The following R3HDM2 variants were observed in gnomAD, a reference collection of about 807,000 sequenced individuals.
The protein encoded by R3HDM2 is R3H domain containing 2.
In R3HDM2, 38 loss-of-function variants were observed where a neutral mutation model predicts 124.5. The observed-to-expected ratio is 0.31, with a 90% CI of 0.24 to 0.40. The LOEUF (loss-of-function observed/expected upper bound fraction) is 0.40, where lower values mean the gene tolerates loss of function less well. Ranked by LOEUF, R3HDM2 falls within the 10% of genes least tolerant of loss-of-function variation. R3HDM2 has a pLI of 1.00. For missense variants in R3HDM2, 869 were observed against 1,236.9 expected (o/e 0.70, Z 4.46); for synonymous variants, 391 against 448.0 (o/e 0.87, Z 1.61).
intron 11 of R3HDM2, 71 bp from the exon 12 acceptor site, chr12:57,289,111 T>C: frequency 7.0e-7 from 1 of 1,419,766 alleles, no homozygotes; most frequent in Non-Finnish European, 9.7e-7. Context: ...AGGATGTCCA[T>C]GATGCTATGA....
At position 57,408,155 on chromosome 12, in the gene R3HDM2, T is replaced by C. The variant is rs57685869; in HGVS notation, c.-105-12337A>G. 9.9e-5 allele frequency among the ~76,000 whole-genome samples: 15 copies of C among 152,218 alleles called. No homozygotes were observed. The East Asian group carries it at 2.9e-3, about 30-fold the overall frequency. On this transcript the variant is annotated intron_variant, in intron 1 of 23. Coordinates refer to ENST00000402412, the MANE Select transcript of R3HDM2 (RefSeq NM_001394031.1). Reference sequence around the variant, plus strand: ...CATGTTGGTCAGGCTGATCTCGAACTCCTAACCTCAAATGATCCTCCCACC... The same window carrying C: ...CATGTTGGTCAGGCTGATCTCGAACCCCTAACCTCAAATGATCCTCCCACC...
chr12:57,260,839 C>CGTG (rs2040617510), intron 19 of R3HDM2, among the ~76,000 whole-genome samples: 2 of 151,986 alleles, frequency 1.3e-5, no homozygotes, highest in Non-Finnish European at 2.9e-5. Context: ...GGGAAGTGAG[C>CGTG]GTGATTGTTT....
chr12:57,362,641 A>G (rs1001072372), intron 2 of R3HDM2, among the ~76,000 whole-genome samples: 5 of 152,162 alleles, frequency 3.3e-5, no homozygotes, highest in African/African-American at 7.2e-5. Flanking sequence ...ACCTTGTACT[A>G]CTATTTCACC....
In R3HDM2 at chr12:57,429,760, G is replaced by C. The variant is rs1869217242; in HGVS notation, c.-106+960C>G. Among the ~76,000 whole-genome samples, 4 of 150,612 alleles carry C rather than the reference G, an allele frequency of 2.7e-5. No homozygotes were observed. In the South Asian group the frequency reaches 8.6e-4, roughly 32 times the overall value. On this transcript the variant is annotated intron_variant, in intron 1 of 23. Transcript: ENST00000402412. Reference sequence around the variant, plus strand: ...GTCTTGATACCCCAGCAACAAAAAGGGGGGCGGGGGTGGGGGGGGAATATT... The same window carrying C: ...GTCTTGATACCCCAGCAACAAAAAGCGGGGCGGGGGTGGGGGGGGAATATT...
chr12:57,429,453 C>G (rs1323245474), intron 1 of R3HDM2, among the ~76,000 whole-genome samples: 2 of 152,062 alleles, frequency 1.3e-5, no homozygotes, highest in Non-Finnish European at 2.9e-5. Flanking sequence ...TTGTCTTTCC[C>G]GGCGCGGTGG....
intron 1 of R3HDM2, among the ~76,000 whole-genome samples, chr12:57,412,695 G>A (rs923372037): frequency 3.3e-5 from 5 of 151,838 alleles, no homozygotes; most frequent in African/African-American, 1.2e-4. Context: ...GATTACCTGA[G>A]CATAAGAGGG....
intron 11 of R3HDM2, among the ~76,000 whole-genome samples, 157 bp from the exon 12 acceptor site, chr12:57,289,197 G>A (rs7488274): frequency 1.4e-4 from 21 of 152,036 alleles, no homozygotes; most frequent in African/African-American, 4.6e-4. Flanking sequence ...ACCCATACCC[G>A]CATACCCAAT....
intron 2 of R3HDM2, among the ~76,000 whole-genome samples, chr12:57,360,380 C>T (rs2061784852): frequency 6.6e-6 from 1 of 151,946 alleles, no homozygotes; most frequent in African/African-American, 2.4e-5. Flanking sequence ...TTGAAAAAAA[C>T]TTGCAGACAA....
chr12:57,294,582 T>TA, intron 10 of R3HDM2, among the ~76,000 whole-genome samples: 1 of 152,106 alleles, frequency 6.6e-6, no homozygotes, highest in East Asian at 1.9e-4. Flanking sequence ...AGGTAAGATA[T>TA]TATTATAGTT....
chr12:57,278,583 G>A (rs1021335151), intron 14 of R3HDM2, among the ~76,000 whole-genome samples: 6 of 152,158 alleles, frequency 3.9e-5, no homozygotes, highest in Admixed American at 2.0e-4. Context: ...GAGAAGCATA[G>A]TTTACCCACT....
chr12:57,418,093 A>G, intron 1 of R3HDM2: 1 of 909,066 alleles, frequency 1.1e-6, no homozygotes, highest in South Asian at 5.1e-5. Flanking sequence ...ACATTTCCAA[A>G]AGTGAACTCT....
chr12:57,423,966 T>C (rs2070454804), intron 1 of R3HDM2, among the ~76,000 whole-genome samples: 1 of 148,456 alleles, frequency 6.7e-6, no homozygotes, highest in Non-Finnish European at 1.5e-5. Context: ...AATACAAAAT[T>C]AGCCAGGTGT....
chr12:57,424,283 G>A (rs1032461557), intron 1 of R3HDM2, among the ~76,000 whole-genome samples: 2 of 151,490 alleles, frequency 1.3e-5, no homozygotes, highest in African/African-American at 4.8e-5. Flanking sequence ...TCAGCCTCCC[G>A]AGTAGCTGGG....
chr12:57,284,340 T>C (rs1464534897), intron 12 of R3HDM2, among the ~76,000 whole-genome samples: 4 of 152,200 alleles, frequency 2.6e-5, no homozygotes, highest in Non-Finnish European at 5.9e-5. Flanking sequence ...ATATACATGA[T>C]GCTGAGATTG....
intron 1 of R3HDM2, among the ~76,000 whole-genome samples, chr12:57,424,829 CA>C (rs1213315944): frequency 6.6e-6 from 1 of 152,100 alleles, no homozygotes; most frequent in Non-Finnish European, 1.5e-5. Flanking sequence ...CTCAGATTCC[CA>C]AAGTGCTGCA....
At chr12:57,275,811 C>T (rs974177877) in intron 14 of R3HDM2, among the ~76,000 whole-genome samples, 1 of 152,136 alleles carries the variant, frequency 6.6e-6, no homozygotes, top group African/African-American at 2.4e-5. Context: ...ATCAAAAAAT[C>T]AAAAAACAGC....
chr12:57,370,872 C>T (rs533537660), intron 2 of R3HDM2, among the ~76,000 whole-genome samples: 49 of 151,850 alleles, frequency 3.2e-4, no homozygotes, highest in Non-Finnish European at 6.0e-4. Flanking sequence ...ATATAAGCTG[C>T]TGAGAAATAT....
intron 2 of R3HDM2, among the ~76,000 whole-genome samples, chr12:57,350,414 T>C (rs1263751091): frequency 6.6e-6 from 1 of 151,730 alleles, no homozygotes; most frequent in Non-Finnish European, 1.5e-5. Flanking sequence ...CTTACATGAG[T>C]GAAGAGAGAT....
intron 11 of R3HDM2, among the ~76,000 whole-genome samples, chr12:57,292,076 G>A (rs1041241684): frequency 6.6e-6 from 1 of 152,218 alleles, no homozygotes; most frequent in Non-Finnish European, 1.5e-5. Flanking sequence ...TGTAGAATGT[G>A]GAGCTCATAG....
Sources: allele counts gnomAD v4.1 joint callset (sites outside exome capture counted in the v4.1 genomes callset), GRCh38; gene constraint gnomAD v4.1.1; transcripts MANE v1.5; gene names NCBI Gene and HGNC (gene_info 2026-07-23, HGNC 2026-07-21).